The following MAP2K4 variants were observed in gnomAD, a reference collection of about 807,000 sequenced individuals.
MAP2K4 encodes mitogen-activated protein kinase kinase 4, also known as dual specificity mitogen-activated protein kinase kinase 4.
Under a neutral mutation model 48.5 loss-of-function variants are expected in MAP2K4, and 4 were observed. The observed-to-expected ratio is 0.08, with a 90% CI of 0.04 to 0.19. The LOEUF (loss-of-function observed/expected upper bound fraction) is 0.19, where lower values mean the gene tolerates loss of function less well. Ranked by LOEUF, MAP2K4 falls within the 10% of genes least tolerant of loss-of-function variation. The probability of loss-of-function intolerance (pLI) is 1.00; values close to 1 mark genes in which losing one functional copy is unlikely to be tolerated. For missense variants in MAP2K4, 258 were observed against 493.3 expected, an observed-to-expected ratio of 0.52 and a Z score of 4.52; for synonymous variants, 166 against 173.1, an observed-to-expected ratio of 0.96 and a Z score of 0.32.
At chr17:12,096,719 T>G (rs575705761) in intron 4 of MAP2K4, among the ~76,000 whole-genome samples, 1 of 152,308 alleles carries the variant, frequency 6.6e-6, no homozygotes, top group African/African-American at 2.4e-5. Flanking sequence ...GAAACAGGGC[T>G]GAATGTAGCA....
In MAP2K4 at chr17:12,141,908, G is replaced by A. The variant is rs141440676; in HGVS notation, c.*648G>A. ...TTATCTTTACCAAAAACCATGTTGCGTTCAAAGAGGTGAACATTAAAATAT... is the reference window on the plus strand; with the variant it reads ...TTATCTTTACCAAAAACCATGTTGCATTCAAAGAGGTGAACATTAAAATAT... On this transcript the variant is annotated 3_prime_UTR_variant, in exon 11 of 11. Transcript: ENST00000353533. 2.2e-3 allele frequency: 509 copies of A among 233,414 alleles called. 2 individuals are homozygous for A. The highest frequency in any genetic ancestry group is 9.6e-3 in the African/African-American group (437 of 45,426). The allele number at this position is 233,414 out of a possible 1,614,324, so 14.5% of individuals were successfully genotyped here.
intron 6 of MAP2K4, 113 bp downstream of exon 6, chr17:12,110,539 T>C (rs1972270689): frequency 2.6e-6 from 2 of 759,408 alleles, no homozygotes; most frequent in Non-Finnish European, 2.2e-6. Context: ...AATATTTGTA[T>C]TTTTAGCAAA....
intron 3 of MAP2K4, among the ~76,000 whole-genome samples, chr17:12,087,952 C>G (rs922691733): frequency 6.6e-6 from 1 of 152,002 alleles, no homozygotes; most frequent in Non-Finnish European, 1.5e-5. Context: ...TTAGAAGACT[C>G]TAGCTGATAA....
chr17:12,119,982 A>G (rs1972630869), intron 7 of MAP2K4, among the ~76,000 whole-genome samples: 2 of 152,174 alleles, frequency 1.3e-5, no homozygotes. Flanking sequence ...ACAAAGAGCA[A>G]CAAAACAGAC....
In MAP2K4 at chr17:12,050,457, G is replaced by A. The variant is rs1970104170; in HGVS notation, c.116-4432G>A. ...CAGTGTAAAGTGTTTCTTCCTGAGGGACATACTGATGTTTTTGGAAACTAA... is the reference window on the plus strand; with the variant it reads ...CAGTGTAAAGTGTTTCTTCCTGAGGAACATACTGATGTTTTTGGAAACTAA... On this transcript the variant is annotated intron_variant, in intron 1 of 10. Transcript: ENST00000353533. Among the ~76,000 whole-genome samples, 3 of 152,254 alleles carry A rather than the reference G, an allele frequency of 2.0e-5. No homozygotes were observed. In the South Asian group the frequency reaches 6.2e-4, roughly 32 times the overall value.
chr17:12,108,798 CA>C (rs1972210574), intron 5 of MAP2K4, among the ~76,000 whole-genome samples: 1 of 151,712 alleles, frequency 6.6e-6, no homozygotes, highest in Non-Finnish European at 1.5e-5. Flanking sequence ...CAAATAATTT[CA>C]TAAAAAGATT....
intron 9 of MAP2K4, among the ~76,000 whole-genome samples, chr17:12,136,982 A>G (rs184278683): frequency 1.3e-5 from 2 of 152,260 alleles, no homozygotes; most frequent in Admixed American, 1.3e-4. Flanking sequence ...CTACACAATG[A>G]CAAGGCTTTA....
At chr17:12,114,625 C>T (rs1972425598) in intron 7 of MAP2K4, among the ~76,000 whole-genome samples, 1 of 150,976 alleles carries the variant, frequency 6.6e-6, no homozygotes, top group African/African-American at 2.4e-5. Flanking sequence ...TTAAGGATAC[C>T]CCGAGAATGA....
intron 1 of MAP2K4, among the ~76,000 whole-genome samples, chr17:12,050,812 G>T (rs1970118149): frequency 6.6e-6 from 1 of 152,208 alleles, no homozygotes; most frequent in Admixed American, 6.5e-5. Flanking sequence ...GTGAGTCAGT[G>T]AGTTGCTCAC....
intron 1 of MAP2K4, among the ~76,000 whole-genome samples, chr17:12,033,345 A>G (rs568302737): frequency 1.3e-5 from 2 of 152,238 alleles, no homozygotes; most frequent in Admixed American, 6.5e-5. Context: ...GGCAAAAAAA[A>G]TTAACCTGGA....
chr17:12,056,663 G>A (rs557058287), intron 2 of MAP2K4, among the ~76,000 whole-genome samples: 1 of 152,008 alleles, frequency 6.6e-6, no homozygotes, highest in Admixed American at 6.6e-5. Flanking sequence ...TTCTGGGTTA[G>A]GAATAGGTAA....
At chr17:12,057,957 T>C (rs971196688) in intron 2 of MAP2K4, among the ~76,000 whole-genome samples, 1 of 152,066 alleles carries the variant, frequency 6.6e-6, no homozygotes, top group African/African-American at 2.4e-5. Flanking sequence ...TTACATCTTA[T>C]AATTTTTTTT....
chr17:12,061,491 C>T (rs769486091), intron 2 of MAP2K4, among the ~76,000 whole-genome samples: 82 of 152,164 alleles, frequency 5.4e-4, no homozygotes, highest in Non-Finnish European at 1.0e-3. Context: ...TGGGCCCCTA[C>T]CCCCTTGAGA....
intron 1 of MAP2K4, among the ~76,000 whole-genome samples, chr17:12,041,040 A>G (rs923859508): frequency 6.6e-5 from 10 of 152,258 alleles, no homozygotes; most frequent in African/African-American, 2.4e-4. Context: ...CATGTACTGT[A>G]TACACATGAA....
At position 12,111,266 on chromosome 17, in the gene MAP2K4, T is replaced by A. The variant is rs1268778963; in HGVS notation, c.685+840T>A. ...AATTTCTAGTGGTTAAAGAAATTAG[T>A]AATTGGGCCATTTATTTAAGTTCTT... On this transcript the variant is annotated intron_variant, in intron 6 of 10. Transcript: ENST00000353533. Among the ~76,000 whole-genome samples, 4 of 152,352 alleles carry A rather than the reference T, an allele frequency of 2.6e-5. No individual in the cohort carries two copies. In the East Asian group the frequency reaches 7.7e-4, roughly 29 times the overall value.
intron 4 of MAP2K4, among the ~76,000 whole-genome samples, chr17:12,105,686 G>C (rs962477560): frequency 2.0e-5 from 3 of 152,036 alleles, no homozygotes; most frequent in African/African-American, 7.2e-5. Context: ...TTTAAATGCA[G>C]CTCATTGCCA....
chr17:12,050,310 C>A (rs957151475), intron 1 of MAP2K4, among the ~76,000 whole-genome samples: 1 of 152,104 alleles, frequency 6.6e-6, no homozygotes, highest in Non-Finnish European at 1.5e-5. Context: ...GTCTGAGGTA[C>A]TGTTATAGGT....
chr17:12,060,455 G>A (rs1970411851), intron 2 of MAP2K4, among the ~76,000 whole-genome samples: 1 of 152,220 alleles, frequency 6.6e-6, no homozygotes, highest in African/African-American at 2.4e-5. Context: ...TGAAGTGTTT[G>A]TGAGGTGGGA....
At chr17:12,104,721 G>A (rs1462147968) in intron 4 of MAP2K4, among the ~76,000 whole-genome samples, 1 of 151,876 alleles carries the variant, frequency 6.6e-6, no homozygotes, top group African/African-American at 2.4e-5. Context: ...TGTTGTCCTT[G>A]TTTATACACA....
Sources: allele counts gnomAD v4.1 joint callset (sites outside exome capture counted in the v4.1 genomes callset), GRCh38; gene constraint gnomAD v4.1.1; transcripts MANE v1.5; gene names NCBI Gene and HGNC (gene_info 2026-07-23, HGNC 2026-07-21).